Variants in CMSS1 observed in about 807,000 individuals in gnomAD.
The protein encoded by CMSS1 is protein CMSS1.
A neutral mutation model predicts 43.5 loss-of-function variants in CMSS1; 33 were observed. That is an observed-to-expected ratio of 0.76 (90% CI 0.57 to 1.01). CMSS1 has a LOEUF of 1.01. Ranked by LOEUF, CMSS1 falls within the 50% of genes least tolerant of loss-of-function variation. CMSS1 has a pLI of 0.00. For missense variants in CMSS1, 313 were observed against 326.4 expected (o/e 0.96, Z 0.32); for synonymous variants, 115 against 117.2 (o/e 0.98, Z 0.12).
At chr3:100,098,571 G>A (rs941002377) in intron 1 of CMSS1, among the ~76,000 whole-genome samples, 6 of 152,050 alleles carry the variant, frequency 3.9e-5, no homozygotes, top group East Asian at 3.9e-4. Context: ...ATTGAACTTC[G>A]GCTCTTGCTG....
chr3:99,882,024 G>A (rs1705746900), intron 1 of CMSS1, among the ~76,000 whole-genome samples: 1 of 152,168 alleles, frequency 6.6e-6, no homozygotes, highest in Non-Finnish European at 1.5e-5. Flanking sequence ...CCAACTAAGA[G>A]TAGAACAGTT....
At chr3:99,975,774 C>T (rs1330867127) in intron 1 of CMSS1, among the ~76,000 whole-genome samples, 1 of 152,182 alleles carries the variant, frequency 6.6e-6, no homozygotes, top group Non-Finnish European at 1.5e-5. Context: ...GACATTCTTA[C>T]TCAAATTGAA....
intron 1 of CMSS1, among the ~76,000 whole-genome samples, chr3:99,911,139 T>A (rs1412279047): frequency 6.6e-6 from 1 of 152,158 alleles, no homozygotes; most frequent in Non-Finnish European, 1.5e-5. Flanking sequence ...GGATTTAGGA[T>A]GAAATGAGAT....
At chr3:100,172,224 T>G (rs2067116110) in intron 7 of CMSS1, 92 bp from the exon 8 acceptor site, 1 of 1,161,018 alleles carries the variant, frequency 8.6e-7, no homozygotes, top group Non-Finnish European at 1.3e-6. Context: ...GTATTTCACT[T>G]TCTTAACTTT....
intron 1 of CMSS1, among the ~76,000 whole-genome samples, chr3:100,024,393 GAAGGA>G (rs1003783154): frequency 7.9e-5 from 12 of 152,174 alleles, no homozygotes; most frequent in African/African-American, 2.9e-4. Flanking sequence ...GCAGACTGTA[GAAGGA>G]ATCCTTCTAG....
chr3:100,115,557 TTC>T (rs1444990340), intron 1 of CMSS1, among the ~76,000 whole-genome samples: 54 of 74,866 alleles, frequency 7.2e-4, no homozygotes, highest in Non-Finnish European at 7.9e-4. Context: ...CTCTTTCTCT[TTC>T]TCTCTCTCTC....
intron 1 of CMSS1, among the ~76,000 whole-genome samples, chr3:100,004,087 G>T (rs1486426015): frequency 6.6e-6 from 1 of 152,102 alleles, no homozygotes; most frequent in Non-Finnish European, 1.5e-5. Context: ...AATCCACCTT[G>T]ATTCGGCCTA....
intron 1 of CMSS1, among the ~76,000 whole-genome samples, chr3:100,064,440 ACAGTGTTCGTGTTTGC>A (rs1037261600): frequency 1.1e-4 from 16 of 152,104 alleles, no homozygotes; most frequent in Non-Finnish European, 1.9e-4. Flanking sequence ...TCAATGTGCA[ACAGTGTTCGTGTTTGC>A]CAGCCCCTTA....
At chr3:99,846,751 T>C (rs1214720490) in intron 1 of CMSS1, among the ~76,000 whole-genome samples, 2 of 152,358 alleles carry the variant, frequency 1.3e-5, no homozygotes, top group East Asian at 3.9e-4. Context: ...GGAGGATAAT[T>C]GTGAAAGCTT....
At chr3:100,164,955 G>A (rs2067054293) in intron 4 of CMSS1, among the ~76,000 whole-genome samples, 1 of 152,152 alleles carries the variant, frequency 6.6e-6, no homozygotes, top group Non-Finnish European at 1.5e-5. Context: ...CAAGGTTGGA[G>A]TCACCCGGAG....
At chr3:100,170,609 A>G (rs1163327814) in intron 6 of CMSS1, among the ~76,000 whole-genome samples, 1 of 152,244 alleles carries the variant, frequency 6.6e-6, no homozygotes, top group African/African-American at 2.4e-5. Flanking sequence ...ACATAGTGAC[A>G]GCAGCATTCT....
At chr3:100,141,424 G>C (rs920431133) in intron 1 of CMSS1, 1 of 350,242 alleles carries the variant, frequency 2.9e-6, no homozygotes, top group African/African-American at 2.2e-5. Flanking sequence ...GGAGAATTCT[G>C]AGTGGAAACA....
intron 1 of CMSS1, chr3:99,848,229 T>C (rs1943457993): frequency 6.3e-7 from 1 of 1,583,872 alleles, no homozygotes; most frequent in African/African-American, 1.3e-5. Context: ...AAGGATTGAG[T>C]TCCTTGCAAA....
In CMSS1 at chr3:99,818,876, C is replaced by CA. The variant is rs576870726; in HGVS notation, c.64+834dup. ...AGTAGAGTAGCGTTAAGTGACCCCCCATGTCAGGCTAGCCTTGAACTTTTT... is the reference window on the plus strand; with the variant it reads ...AGTAGAGTAGCGTTAAGTGACCCCCCAATGTCAGGCTAGCCTTGAACTTTTT... On this transcript the variant is annotated intron_variant, in intron 1 of 9. Transcript: ENST00000421999. Among the ~76,000 whole-genome samples the CA allele has an allele frequency of 8.1e-4, 124 of 152,348 alleles. 1 individual carries two copies. The highest frequency in any genetic ancestry group is 1.1e-3 in the Non-Finnish European group (78 of 68,032).
intron 1 of CMSS1, among the ~76,000 whole-genome samples, chr3:99,986,581 C>T (rs1256653536): frequency 6.6e-6 from 1 of 151,922 alleles, no homozygotes; most frequent in Non-Finnish European, 1.5e-5. Flanking sequence ...AATTAAGATA[C>T]TTGTTTGTCA....
At chr3:99,894,418 T>C (rs1706185252) in intron 1 of CMSS1, among the ~76,000 whole-genome samples, 1 of 152,226 alleles carries the variant, frequency 6.6e-6, no homozygotes, top group Non-Finnish European at 1.5e-5. Context: ...TGTGTGCTGG[T>C]GTGCTATTTT....
intron 1 of CMSS1, among the ~76,000 whole-genome samples, chr3:100,057,901 C>T (rs761353922): frequency 2.6e-5 from 4 of 152,114 alleles, no homozygotes; most frequent in Non-Finnish European, 5.9e-5. Context: ...CTCAAAGATC[C>T]TGATGACCTT....
Position 100,178,339 on chromosome 3 carries a change from G to T in CMSS1, c.791G>T (p.Gly264Val), listed in dbSNP as rs772725521. ...GAGGTATTCGAACTTCTGGAAATGG[G>T]AGTGCTCAGTCTGTGCAAGTCAGAA... Reference protein sequence around the residue: ...RKEVFELLEMGVLSLCKSESL... With the variant: ...RKEVFELLEMVVLSLCKSESL... Residue 264 changes from glycine to valine, a missense_variant, in exon 10 of 10, where the codon GGA becomes GTA. Physicochemically the swap from Gly to Val is moderately radical, Grantham distance 109. Transcript: ENST00000421999. 1 of 1,613,366 alleles carries T rather than the reference G, an allele frequency of 6.2e-7. No individual in the cohort carries two copies. The highest frequency in any genetic ancestry group is 8.5e-7 in the Non-Finnish European group (1 of 1,179,438).
chr3:99,818,093 C>A (rs1718240), intron 1 of CMSS1, 50 bp downstream of exon 1: 2 of 1,571,424 alleles, frequency 1.3e-6, no homozygotes, highest in Non-Finnish European at 1.7e-6. Context: ...GGAGCCCTTC[C>A]GTGCGCCTCA....
Sources: allele counts gnomAD v4.1 joint callset (sites outside exome capture counted in the v4.1 genomes callset), GRCh38; gene constraint gnomAD v4.1.1; transcripts MANE v1.5; gene names NCBI Gene and HGNC (gene_info 2026-07-23, HGNC 2026-07-21).